The following ZNF540 variants were observed in gnomAD, a reference collection of about 807,000 sequenced individuals.
ZNF540 encodes the protein zinc finger protein 540.
In ZNF540, 3 loss-of-function variants were observed where a neutral mutation model predicts 11.8. The observed-to-expected ratio is 0.25, with a 90% confidence interval of 0.12 to 0.65. The LOEUF (loss-of-function observed/expected upper bound fraction) is 0.65, where lower values mean the gene tolerates loss of function less well. Among genes scored for constraint, ZNF540 ranks in the 30% least tolerant of loss-of-function variants. The pLI is 0.83. For missense variants in ZNF540, 709 were observed against 793.1 expected (o/e 0.89, Z 1.27); for synonymous variants, 247 against 259.0 (o/e 0.95, Z 0.45).
At chr19:37,582,467 C>A (rs1471767713) in intron 1 of ZNF540, among the ~76,000 whole-genome samples, 1 of 152,176 alleles carries the variant, frequency 6.6e-6, no homozygotes, top group Non-Finnish European at 1.5e-5. Context: ...AATGTTGGAA[C>A]ACCCCATGGT....
At chr19:37,577,691 A>C (rs2043290662) in intron 1 of ZNF540, among the ~76,000 whole-genome samples, 1 of 152,240 alleles carries the variant, frequency 6.6e-6, no homozygotes, top group African/African-American at 2.4e-5. Context: ...ATAGCCGGCT[A>C]TTCAGAACAG....
Position 37,611,911 on chromosome 19 carries a change from G to A in ZNF540, c.631G>A (p.Gly211Ser), listed in dbSNP as rs765842956. 6.2e-7 allele frequency: 1 copy of A among 1,613,664 alleles called. No individual in the cohort carries two copies. The highest frequency in any genetic ancestry group is 8.5e-7 in the Non-Finnish European group (1 of 1,179,952). ...TACTCTCCATCAGAAAATTCATACT[G>A]GTGAAAAATCCTGTAAATGTGAGAA... ...QLTLHQKIHT[G>S]EKSCKCEKCG... The change falls in exon 5 of 5, where the codon GGT becomes AGT. Residue 211 changes from glycine (G) to serine (S), a missense_variant. Coordinates refer to ENST00000316433, the MANE Select transcript of ZNF540 (RefSeq NM_001172225.3).
chr19:37,552,212 C>G (rs1307221561), intron 1 of ZNF540, among the ~76,000 whole-genome samples: 1 of 152,110 alleles, frequency 6.6e-6, no homozygotes, highest in East Asian at 1.9e-4. Context: ...ACATTAATTT[C>G]TGGCTTAATT....
chr19:37,566,297 G>C (rs1262902200), intron 1 of ZNF540: 2 of 1,571,796 alleles, frequency 1.3e-6, no homozygotes, highest in South Asian at 1.2e-5. Context: ...CAAGTCTGTA[G>C]AATAAAAAGA....
At chr19:37,582,903 C>G (rs2043524534) in intron 1 of ZNF540, among the ~76,000 whole-genome samples, 1 of 152,208 alleles carries the variant, frequency 6.6e-6, no homozygotes, top group South Asian at 2.1e-4. Context: ...TCAGTGACCT[C>G]TAAACAAAGA....
chr19:37,602,758 TG>T (rs923596026), intron 4 of ZNF540, among the ~76,000 whole-genome samples: 2 of 152,082 alleles, frequency 1.3e-5, no homozygotes, highest in Non-Finnish European at 2.9e-5. Context: ...TAGTCATCTG[TG>T]AGGTCAACTG....
chr19:37,574,289 GC>G (rs2043170205), intron 1 of ZNF540, among the ~76,000 whole-genome samples: 1 of 152,220 alleles, frequency 6.6e-6, no homozygotes, highest in East Asian at 1.9e-4. Context: ...CTCCCTAAGA[GC>G]TGTCTATAGT....
In ZNF540 at chr19:37,613,934, G is replaced by A; in HGVS notation, c.*671G>A. 1 of 398,430 alleles carries A rather than the reference G, an allele frequency of 2.5e-6. No individual in the cohort carries two copies. 24.7% of individuals were successfully genotyped at this position (398,430 alleles called of 1,614,324 possible). A position where few individuals can be genotyped will look rare whatever the true frequency, so the allele number is the denominator to read the frequency against. On this transcript the variant is annotated 3_prime_UTR_variant, in exon 5 of 5. Coordinates refer to ENST00000316433, the MANE Select transcript of ZNF540 (RefSeq NM_001172225.3). The stretch of plus-strand genomic sequence containing the variant: ...GGAATTACTGCCTTTATAAGAAGAA[G>A]CCAAAGAGCCAGCTAGCTCTTTCAA...
rs562274432 is a variant in ZNF540, at chr19:37,612,292, G to A, written c.1012G>A (p.Val338Ile). The change falls in exon 5 of 5, where the codon GTA becomes ATA. Residue 338 changes from valine to isoleucine, a missense_variant. Physicochemically the swap from Val to Ile is conservative, Grantham distance 29. Coordinates refer to ENST00000316433, the MANE Select transcript of ZNF540 (RefSeq NM_001172225.3). ...TAAGGAGTGTGGGAAAGCTTTTAGT[G>A]TATGCGGACAACTTACCCGTCATCA... is the stretch of plus-strand genomic sequence containing the variant. ...ECKECGKAFS[V>I]CGQLTRHQKI... 2.5e-6 allele frequency: 4 copies of A among 1,613,932 alleles called. No individual in the cohort carries two copies. Among genetic ancestry groups the A allele is most frequent in the East Asian group, 4.5e-5 (2 of 44,848 alleles).
At chr19:37,570,429 C>T (rs369935723) in intron 1 of ZNF540, among the ~76,000 whole-genome samples, 29 of 152,248 alleles carry the variant, frequency 1.9e-4, no homozygotes, top group Middle Eastern at 3.4e-3. Flanking sequence ...TAACCTCTCC[C>T]AAGATAGACA....
At chr19:37,573,100 C>T (rs556719855) in intron 1 of ZNF540, among the ~76,000 whole-genome samples, 1 of 152,126 alleles carries the variant, frequency 6.6e-6, no homozygotes, top group South Asian at 2.1e-4. Flanking sequence ...CACCACCACA[C>T]TAATCTTAGC....
rs776371658 is a variant in ZNF540, at chr19:37,612,026, G to T, written c.746G>T (p.Gly249Val). The change falls in exon 5 of 5, where the codon GGG becomes GTG. Residue 249 changes from glycine (G) to valine (V), a missense_variant. By Grantham distance (109) the Gly-to-Val change is moderately radical (BLOSUM62 -3). Coordinates refer to ENST00000316433, the MANE Select transcript of ZNF540 (RefSeq NM_001172225.3). Reference protein sequence around the residue: ...GEKPYECQECGKTFTLYPQLN... With the variant: ...GEKPYECQECVKTFTLYPQLN... ...AAACCCTATGAATGTCAAGAATGTGGGAAGACCTTTACTCTTTACCCACAA... is the reference window on the plus strand; with the variant it reads ...AAACCCTATGAATGTCAAGAATGTGTGAAGACCTTTACTCTTTACCCACAA... 1 of 1,613,516 alleles carries T rather than the reference G, an allele frequency of 6.2e-7. No individual in the cohort carries two copies. The highest frequency in any genetic ancestry group is 8.5e-7 in the Non-Finnish European group (1 of 1,179,918).
At chr19:37,580,934 T>C (rs2043434786) in intron 1 of ZNF540, among the ~76,000 whole-genome samples, 1 of 152,202 alleles carries the variant, frequency 6.6e-6, no homozygotes, top group African/African-American at 2.4e-5. Flanking sequence ...AAGACACCTA[T>C]TACACTTGAA....
intron 1 of ZNF540, among the ~76,000 whole-genome samples, chr19:37,560,144 G>A (rs1268140272): frequency 6.6e-6 from 1 of 151,958 alleles, no homozygotes; most frequent in Non-Finnish European, 1.5e-5. Context: ...TGGGCATGGT[G>A]GCAGGCGCCT....
At chr19:37,607,528 G>A (rs749365720) in intron 4 of ZNF540, among the ~76,000 whole-genome samples, 9 of 152,026 alleles carry the variant, frequency 5.9e-5, no homozygotes, top group Non-Finnish European at 1.3e-4. Flanking sequence ...TGTCTCCATC[G>A]TTTTGCCTTT....
At chr19:37,576,307 A>T (rs1194297634) in intron 1 of ZNF540, among the ~76,000 whole-genome samples, 3 of 152,220 alleles carry the variant, frequency 2.0e-5, no homozygotes, top group Middle Eastern at 3.2e-3. Flanking sequence ...ATGAGTTCAT[A>T]TAACTCTATA....
At chr19:37,563,110 T>TTG (rs1303727983) in intron 1 of ZNF540, 1 of 152,132 alleles carries the variant, frequency 6.6e-6, no homozygotes, top group Non-Finnish European at 1.5e-5. Flanking sequence ...AGGTAGATGC[T>TTG]TGAGCCTAGA....
intron 1 of ZNF540, among the ~76,000 whole-genome samples, chr19:37,580,781 G>A (rs761779159): frequency 3.9e-5 from 6 of 152,182 alleles, no homozygotes; most frequent in Non-Finnish European, 8.8e-5. Flanking sequence ...ATGAATGGAA[G>A]CAGCCTGAGG....
chr19:37,588,743 G>A (rs925956968), intron 1 of ZNF540, among the ~76,000 whole-genome samples: 11 of 152,140 alleles, frequency 7.2e-5, no homozygotes, highest in Non-Finnish European at 1.6e-4. Flanking sequence ...GTTGGATACT[G>A]CATATGAATA....
Sources: gnomAD v4.1 joint callset for allele counts (sites outside exome capture counted in the v4.1 genomes callset) on GRCh38, gnomAD v4.1.1 for gene constraint, MANE v1.5 for transcripts, NCBI Gene and HGNC (gene_info 2026-07-23, HGNC 2026-07-21) for gene names.